ARHGAP21: variants seen among roughly 807,000 people sequenced by gnomAD.
ARHGAP21 encodes the protein Rho GTPase activating protein 21.
ARHGAP21 carries 38 observed loss-of-function variants against 164.6 expected under a neutral mutation model. The observed-to-expected ratio is 0.23, with a 90% CI of 0.18 to 0.30. The LOEUF is 0.30. ARHGAP21 is among the 10% of genes least tolerant of loss of function. The probability of loss-of-function intolerance (pLI) is 1.00; values close to 1 mark genes in which losing one functional copy is unlikely to be tolerated. For missense variants in ARHGAP21, 1,822 were observed against 2,370.7 expected, an observed-to-expected ratio of 0.77 and a Z score of 4.81; for synonymous variants, 766 against 857.9, an observed-to-expected ratio of 0.89 and a Z score of 1.87.
chr10:24,670,489 G>T, intron 2 of ARHGAP21, 92 bp from the exon 3 acceptor site: 2 of 786,708 alleles, frequency 2.5e-6, no homozygotes, highest in Non-Finnish European at 3.6e-6. Context: ...ATACCTGAGC[G>T]CCGATATGAA....
chr10:24,696,703 T>C (rs1244110036), intron 2 of ARHGAP21, among the ~76,000 whole-genome samples: 1 of 151,914 alleles, frequency 6.6e-6, no homozygotes, highest in African/African-American at 2.4e-5. Context: ...TTAAATGAAG[T>C]AGAGATGCCA....
At chr10:24,603,095 A>T (rs1345024484) in intron 12 of ARHGAP21, among the ~76,000 whole-genome samples, 1 of 152,170 alleles carries the variant, frequency 6.6e-6, no homozygotes, top group Admixed American at 6.5e-5. Context: ...TAGCCATGTA[A>T]ACTTTGGGAG....
At chr10:24,671,357 T>A (rs1392145575) in intron 2 of ARHGAP21, among the ~76,000 whole-genome samples, 2 of 152,146 alleles carry the variant, frequency 1.3e-5, no homozygotes, top group African/African-American at 4.8e-5. Context: ...CACATTTCTC[T>A]CTGGTCATTC....
At chr10:24,720,994 GAA>G (rs202240238) in intron 2 of ARHGAP21, among the ~76,000 whole-genome samples, 1 of 144,428 alleles carries the variant, frequency 6.9e-6, no homozygotes, top group Admixed American at 6.9e-5. Flanking sequence ...CAAACACGAG[GAA>G]AAAAAAAAAA....
intron 9 of ARHGAP21, 25 bp from the exon 10 acceptor site, chr10:24,607,928 A>G (rs752534609): frequency 6.3e-7 from 1 of 1,575,230 alleles, no homozygotes; most frequent in East Asian, 2.3e-5. Flanking sequence ...GAAAATCAGA[A>G]TGTTCAATGA....
In ARHGAP21 at chr10:24,585,317, G is replaced by A. The variant is rs1464391500; in HGVS notation, c.4972C>T (p.Leu1658=). ...CGGCTGCTCTTAGTCACTTCTTGCA[G>A]TTTTCCTCGGAAAAGCCTCTCTGAA... is the stretch of plus-strand genomic sequence containing the variant. ...LTSERLFRGK[L]QEVTKSSRRN... Residue 1658 remains leucine, a synonymous_variant, in exon 26 of 26, where the codon CTG becomes TTG. Transcript: ENST00000396432. The A allele has an allele frequency of 6.2e-7, 1 of 1,612,236 alleles. No homozygotes were observed. The highest frequency in any genetic ancestry group is 2.2e-5 in the East Asian group (1 of 44,858).
At chr10:24,690,553 G>C (rs1225809688) in intron 2 of ARHGAP21, among the ~76,000 whole-genome samples, 2 of 152,086 alleles carry the variant, frequency 1.3e-5, no homozygotes, top group Admixed American at 1.3e-4. Flanking sequence ...AACAGGATGG[G>C]CGTGGTGGCT....
intron 4 of ARHGAP21, among the ~76,000 whole-genome samples, chr10:24,664,466 G>C (rs1043905887): frequency 6.6e-6 from 1 of 151,462 alleles, no homozygotes; most frequent in African/African-American, 2.4e-5. Flanking sequence ...TGAGGCAGGA[G>C]AATCGCTTGA....
intron 25 of ARHGAP21, among the ~76,000 whole-genome samples, chr10:24,587,153 TA>T (rs915076448): frequency 2.0e-5 from 3 of 152,164 alleles, no homozygotes; most frequent in African/African-American, 7.2e-5. Flanking sequence ...TAGGTTCTTT[TA>T]AAAAAAATTT....
chr10:24,643,880 T>A (rs1383107446), intron 4 of ARHGAP21, among the ~76,000 whole-genome samples: 1 of 152,172 alleles, frequency 6.6e-6, no homozygotes, highest in Non-Finnish European at 1.5e-5. Flanking sequence ...TAACCTTCTT[T>A]TTTATTTATT....
chr10:24,699,862 C>T (rs1302018875), intron 2 of ARHGAP21, among the ~76,000 whole-genome samples: 1 of 152,178 alleles, frequency 6.6e-6, no homozygotes, highest in East Asian at 1.9e-4. Flanking sequence ...AATAGTCTGA[C>T]ACATAGTTAA....
intron 4 of ARHGAP21, among the ~76,000 whole-genome samples, chr10:24,661,004 T>A (rs988112258): frequency 3.3e-5 from 5 of 152,130 alleles, no homozygotes; most frequent in African/African-American, 1.2e-4. Context: ...CAAGGCCATC[T>A]GACCAGTCCC....
chr10:24,624,190 A>T (rs1472781316), intron 7 of ARHGAP21, among the ~76,000 whole-genome samples: 2 of 152,164 alleles, frequency 1.3e-5, no homozygotes, highest in Non-Finnish European at 2.9e-5. Context: ...TATGGTTGAG[A>T]TAAAATATGA....
chr10:24,619,440 G>A, intron 9 of ARHGAP21, 33 bp downstream of exon 9: 1 of 1,561,280 alleles, frequency 6.4e-7, no homozygotes, highest in Non-Finnish European at 8.7e-7. Context: ...TTATACATTT[G>A]GCATATTAGC....
intron 9 of ARHGAP21, among the ~76,000 whole-genome samples, chr10:24,616,929 C>A (rs1168536826): frequency 6.6e-6 from 1 of 152,096 alleles, no homozygotes; most frequent in Non-Finnish European, 1.5e-5. Flanking sequence ...AATTTAAAAA[C>A]AAAATGTATT....
At position 24,585,679 on chromosome 10, in the gene ARHGAP21, G is replaced by T. The variant is rs745950085; in HGVS notation, c.4610C>A (p.Ser1537Tyr). 3 of 1,614,154 alleles carry T rather than the reference G, an allele frequency of 1.9e-6. No homozygotes were observed. The South Asian group carries it at 3.3e-5, about 18-fold the overall frequency. ...GTCAGAGCCTGTCTCTTCAAGGTGG[G>T]AGGACTTCTGTGCCAGAAGTGACCT... is the stretch of plus-strand genomic sequence containing the variant. ...SPRSLLAQKS[S>Y]HLEETGSDSG... The change falls in exon 26 of 26, where the codon TCC (serine) becomes TAC (tyrosine). Residue 1537 changes from serine (S) to tyrosine (Y), a missense_variant. Physicochemically the swap from Ser to Tyr is moderately radical, Grantham distance 144. Around this residue, in one of 5 missense-constraint regions of ARHGAP21, gnomAD observed 333 missense variants for 383.9 expected, o/e 0.87. Transcript: ENST00000396432.
At position 24,585,442 on chromosome 10, in the gene ARHGAP21, C is replaced by T. The variant is rs2076062944; in HGVS notation, c.4847G>A (p.Gly1616Glu). The T allele has an allele frequency of 6.2e-7, 1 of 1,614,086 alleles. No individual in the cohort carries two copies. The highest frequency in any genetic ancestry group is 8.5e-7 in the Non-Finnish European group (1 of 1,180,054). Residue 1616 changes from glycine to glutamate, a missense_variant, in exon 26 of 26, where the codon GGG becomes GAG. Coordinates refer to ENST00000396432, the MANE Select transcript of ARHGAP21 (RefSeq NM_020824.4). The stretch of plus-strand genomic sequence containing the variant: ...GCTTCTCTCGTCATCTGCCTCGTCC[C>T]CCTTGCTCTCTGCCACGGATTGCAC... ...PEVQSVAESK[G>E]DEADDERSEL...
chr10:24,693,381 T>C (rs1842901920), intron 2 of ARHGAP21, among the ~76,000 whole-genome samples: 1 of 151,976 alleles, frequency 6.6e-6, no homozygotes, highest in Non-Finnish European at 1.5e-5. Context: ...TCTTGCCTTC[T>C]TGCCCAAGGC....
In ARHGAP21 at chr10:24,585,710, T is replaced by A; in HGVS notation, c.4579A>T (p.Ser1527Cys). 6.2e-7 allele frequency: 1 copy of A among 1,614,124 alleles called. No homozygotes were observed. The highest frequency in any genetic ancestry group is 1.1e-5 in the South Asian group (1 of 91,068). The change falls in exon 26 of 26, where the codon AGC becomes TGC. Residue 1527 changes from serine to cysteine, a missense_variant. Transcript: ENST00000396432. The part of the protein sequence containing the change: ...LSCRFAILKE[S>C]PRSLLAQKSS... ...TTCTGTGCCAGAAGTGACCTGGGGC[T>A]CTCTTTCAGGATGGCAAAGCGACAG...
Sources: allele counts gnomAD v4.1 joint callset (sites outside exome capture counted in the v4.1 genomes callset), GRCh38; gene constraint gnomAD v4.1.1; regional missense constraint gnomAD v4.1.1; transcripts MANE v1.5; gene names NCBI Gene and HGNC (gene_info 2026-07-23, HGNC 2026-07-21).